The following MAP7D1 variants were observed in gnomAD, a reference collection of about 807,000 sequenced individuals.
MAP7D1 encodes the protein MAP7 domain-containing protein 1.
MAP7D1 carries 30 observed loss-of-function variants against 97.5 expected under a neutral mutation model. The ratio of observed to expected loss-of-function variants is 0.31; its 90% confidence interval spans 0.23 to 0.42. The LOEUF is 0.42. Among genes scored for constraint, MAP7D1 ranks in the 10% least tolerant of loss-of-function variants. The probability of loss-of-function intolerance (pLI) is 1.00; values close to 1 mark genes in which losing one functional copy is unlikely to be tolerated. For synonymous variants in MAP7D1, 536 were observed against 477.1 expected, an observed-to-expected ratio of 1.12 and a Z score of -1.61; for missense variants, 1,184 against 1,179.5, an observed-to-expected ratio of 1.00 and a Z score of -0.06.
intron 6 of MAP7D1, 47 bp downstream of exon 6, chr1:36,175,055 C>G: frequency 7.8e-7 from 1 of 1,282,504 alleles, no homozygotes. Flanking sequence ...CTTGTAGCTC[C>G]CACCAAGCCT....
chr1:36,177,700 T>G (rs949640004), intron 8 of MAP7D1, 173 bp from the exon 9 acceptor site: 1 of 952,106 alleles, frequency 1.1e-6, no homozygotes, highest in African/African-American at 1.8e-5. Context: ...AACATGTCAT[T>G]ACAAACTGGG....
rs774677382 is a variant in MAP7D1 at position 36,179,775 on chromosome 1, A to T, written c.2318+19A>T. The T allele has an allele frequency of 2.0e-6, 3 of 1,538,112 alleles. No homozygotes were observed. In the Admixed American group the frequency reaches 6.4e-5, roughly 33 times the overall value. ...AGTGGAGGTACCAGCTTCCAATCCC[A>T]GGGTCCCTGAGCAGGGAGGCAGACT... On this transcript the variant is annotated intron_variant, in intron 15 of 16. Transcript: ENST00000474796.
intron 1 of MAP7D1, among the ~76,000 whole-genome samples, chr1:36,158,067 A>G (rs1644361422): frequency 6.6e-6 from 1 of 151,882 alleles, no homozygotes; most frequent in Admixed American, 6.6e-5. Context: ...TGGCTAGTTT[A>G]TAATTAGGAT....
chr1:36,180,206 G>C, intron 16 of MAP7D1, 42 bp from the exon 17 acceptor site: 1 of 1,614,016 alleles, frequency 6.2e-7, no homozygotes, highest in Non-Finnish European at 8.5e-7. Context: ...CTGGGCTTGA[G>C]TGCTGTTTGC....
intron 1 of MAP7D1, among the ~76,000 whole-genome samples, chr1:36,162,116 C>T (rs1644421066): frequency 6.6e-6 from 1 of 152,130 alleles, no homozygotes; most frequent in South Asian, 2.1e-4. Flanking sequence ...GATCTCTGTT[C>T]TGTCTTCTCT....
In MAP7D1 at chr1:36,180,342, C is replaced by CA; in HGVS notation, c.*87dup. On this transcript the variant is annotated 3_prime_UTR_variant, in exon 17 of 17. Coordinates refer to ENST00000474796, the MANE Select transcript of MAP7D1 (RefSeq NM_001388490.1). ...ATGTCTGGAGGAGAAAAAGACAGAA[C>CA]AAAGATGGAAGTGGCCTGGGCCCCT... 1 of 1,597,646 alleles carries CA rather than the reference C, an allele frequency of 6.3e-7. No individual in the cohort carries two copies. The highest frequency in any genetic ancestry group is 8.6e-7 in the Non-Finnish European group (1 of 1,165,060).
chr1:36,166,843 A>T (rs781754112), intron 1 of MAP7D1, among the ~76,000 whole-genome samples: 1 of 152,310 alleles, frequency 6.6e-6, no homozygotes, highest in Admixed American at 6.5e-5. Flanking sequence ...ATTAGATTTG[A>T]GATCTGTTTT....
chr1:36,179,144 C>A, intron 12 of MAP7D1, 118 bp from the exon 13 acceptor site: 1 of 1,481,914 alleles, frequency 6.7e-7, no homozygotes, highest in Admixed American at 1.9e-5. Flanking sequence ...CAGTTCCTGT[C>A]CTGGAGAGGG....
Position 36,176,558 on chromosome 1 carries a change from C to G in MAP7D1, c.1210C>G (p.Arg404Gly). The G allele has an allele frequency of 6.8e-7, 1 of 1,466,678 alleles. No individual in the cohort carries two copies. Among genetic ancestry groups the G allele is most frequent in the Non-Finnish European group, 9.0e-7 (1 of 1,109,934 alleles). The allele number at this position is 1,466,678 out of a possible 1,614,324, so 90.9% of individuals were successfully genotyped here. ...CGCCGGGGGCAGCCCCGCTCCGGTG[C>G]GCCGCCGGCCGGAGGCCTCGCCGGT... ...PNAGGSPAPVRRRPEASPVQK... is the reference protein window; with the variant it reads ...PNAGGSPAPVGRRPEASPVQK... The change falls in exon 7 of 17, where the codon CGC (arginine) becomes GGC (glycine). Residue 404 changes from arginine (R) to glycine (G), a missense_variant. Coordinates refer to ENST00000474796, the MANE Select transcript of MAP7D1 (RefSeq NM_001388490.1). This position sits in a 1 kb window ranked among gnomAD's most constrained non-coding sequence, Gnocchi z 6.1.
In MAP7D1 at chr1:36,170,160, G is replaced by A. The variant is rs895130743; in HGVS notation, c.47-811G>A. Among the ~76,000 whole-genome samples, 4 of 152,188 alleles carry A rather than the reference G, an allele frequency of 2.6e-5. No homozygotes were observed. In the East Asian group the frequency reaches 5.8e-4, roughly 22 times the overall value. ...CTCTTCCCATCTTCCTCATCTGACT[G>A]ACTCTGAAGCCTGTCTCTCAATTGC... On this transcript the variant is annotated intron_variant, in intron 1 of 16. Transcript: ENST00000474796.
chr1:36,166,827 G>T (rs983919619), intron 1 of MAP7D1, among the ~76,000 whole-genome samples: 1 of 152,188 alleles, frequency 6.6e-6, no homozygotes, highest in African/African-American at 2.4e-5. Context: ...GAGACAGTGA[G>T]AAATGATTAG....
intron 15 of MAP7D1, 58 bp from the exon 16 acceptor site, chr1:36,179,816 G>T: frequency 1.9e-6 from 3 of 1,568,238 alleles, no homozygotes; most frequent in Non-Finnish European, 2.6e-6. Flanking sequence ...TGGAGCTGCG[G>T]GGTGGCCTGG....
At chr1:36,156,763 G>T (rs1309923009) in intron 1 of MAP7D1, among the ~76,000 whole-genome samples, 2 of 151,740 alleles carry the variant, frequency 1.3e-5, no homozygotes, top group Non-Finnish European at 2.9e-5. Context: ...CAGCTTCCCC[G>T]CCCCCACGTC....
rs1644688211 is a variant in MAP7D1, at chr1:36,179,646, C to T, written c.2228-20C>T. Reference sequence around the variant, plus strand: ...TCTCTTGCCAGCCCCTGGCTGATGGCCCCTCTTTCCCTGTGACAGAGCCTG... The same window carrying T: ...TCTCTTGCCAGCCCCTGGCTGATGGTCCCTCTTTCCCTGTGACAGAGCCTG... On this transcript the variant is annotated intron_variant, in intron 14 of 16. Transcript: ENST00000474796. 6.5e-7 allele frequency: 1 copy of T among 1,537,896 alleles called. No individual in the cohort carries two copies. Among genetic ancestry groups the T allele is most frequent in the Non-Finnish European group, 8.8e-7 (1 of 1,138,884 alleles).
chr1:36,165,856 G>A (rs1290683461), intron 1 of MAP7D1, among the ~76,000 whole-genome samples: 6 of 149,244 alleles, frequency 4.0e-5, no homozygotes, highest in South Asian at 2.1e-4. Context: ...TCAGCCTCCC[G>A]AGTAGCTGGG....
At chr1:36,177,509 C>A in intron 8 of MAP7D1, 1 of 515,090 alleles carries the variant, frequency 1.9e-6, no homozygotes, top group Non-Finnish European at 3.8e-6. Context: ...GGGGGTCAGC[C>A]AGATTCTGTC....
Position 36,171,293 on chromosome 1 carries a change from C to T in MAP7D1, c.369C>T (p.Ser123=), listed in dbSNP as rs753655216. ...CATCTCCAACAGCAGTGCCAGCCTC[C>T]GACAGCCCTCCCACCAAGCAAGGTG... ...SQPSPTAVPA[S]DSPPTKQEVK... is the part of the protein sequence containing the mutation. The change falls in exon 2 of 17, where the codon TCC becomes TCT. Residue 123 remains serine, a synonymous_variant. Coordinates refer to ENST00000474796, the MANE Select transcript of MAP7D1 (RefSeq NM_001388490.1). 2.9e-5 allele frequency: 46 copies of T among 1,568,402 alleles called. No individual in the cohort carries two copies. The highest frequency in any genetic ancestry group is 4.5e-5 in the East Asian group (2 of 44,480).
intron 9 of MAP7D1, 63 bp downstream of exon 9, chr1:36,178,264 G>T: frequency 1.3e-6 from 2 of 1,485,904 alleles, no homozygotes; most frequent in Non-Finnish European, 1.8e-6. Flanking sequence ...CTGTGTGGGG[G>T]TGTGGGCCGC....
intron 6 of MAP7D1, 83 bp downstream of exon 6, chr1:36,175,091 G>A (rs1189778187): frequency 2.5e-6 from 2 of 812,590 alleles, no homozygotes; most frequent in Non-Finnish European, 3.8e-6. Context: ...AAGAACACCA[G>A]GTCCCTGGAG....
Sources: gnomAD v4.1 joint callset for allele counts (sites outside exome capture counted in the v4.1 genomes callset) on GRCh38, gnomAD v4.1.1 for gene constraint, Gnocchi (gnomAD v3.1) non-coding constraint, MANE v1.5 for transcripts, NCBI Gene and HGNC (gene_info 2026-07-23, HGNC 2026-07-21) for gene names.